TLE1: variants seen among roughly 807,000 people sequenced by gnomAD.
The protein encoded by TLE1 is transducin-like enhancer protein 1.
In TLE1, 21 loss-of-function variants were observed where a neutral mutation model predicts 89.8. The ratio of observed to expected loss-of-function variants is 0.23; its 90% CI spans 0.17 to 0.34. The LOEUF (loss-of-function observed/expected upper bound fraction) is 0.34, where lower values mean the gene tolerates loss of function less well. Among genes scored for constraint, TLE1 ranks in the 10% least tolerant of loss-of-function variants. The pLI is 1.00. For missense variants in TLE1, 795 were observed against 1,031.2 expected (o/e 0.77, Z 3.14); for synonymous variants, 447 against 407.6 (o/e 1.10, Z -1.16).
chr9:81,620,579 C>G, intron 8 of TLE1, 22 bp from the exon 9 acceptor site: 1 of 1,598,564 alleles, frequency 6.3e-7, no homozygotes, highest in Non-Finnish European at 8.5e-7. Flanking sequence ...AAAAATTAAT[C>G]AAAGATTTCT....
intron 18 of TLE1, among the ~76,000 whole-genome samples, chr9:81,585,063 ACTT>A (rs1389933627): frequency 6.6e-6 from 1 of 152,086 alleles, no homozygotes; most frequent in Non-Finnish European, 1.5e-5. Context: ...CACCACATGA[ACTT>A]CTTCCCTCTT....
At position 81,634,163 on chromosome 9, in the gene TLE1, G is replaced by A; in HGVS notation, c.511C>T (p.Leu171=). The change falls in exon 7 of 20, where the codon CTG becomes TTG. Residue 171 remains leucine, a synonymous_variant. Transcript: ENST00000376499. ...SAGLLALSSA[L]SGQSHLAIKD... Reference sequence around the variant, plus strand: ...ATTGCCAAGTGAGACTGCCCACTCAGAGCACTAGACAGCGCAAGAAGGCCG... The same window carrying A: ...ATTGCCAAGTGAGACTGCCCACTCAAAGCACTAGACAGCGCAAGAAGGCCG... 6.2e-7 allele frequency: 1 copy of A among 1,602,362 alleles called. No homozygotes were observed. Among genetic ancestry groups the A allele is most frequent in the Non-Finnish European group, 8.5e-7 (1 of 1,173,340 alleles).
At chr9:81,614,243 C>T (rs962304036) in intron 11 of TLE1, among the ~76,000 whole-genome samples, 2 of 152,152 alleles carry the variant, frequency 1.3e-5, no homozygotes, top group African/African-American at 4.8e-5. Context: ...TTTAGGTAGC[C>T]CTGGGATTGA....
chr9:81,662,354 G>A (rs1204718462), intron 4 of TLE1, among the ~76,000 whole-genome samples: 1 of 124,940 alleles, frequency 8.0e-6, no homozygotes, highest in Non-Finnish European at 1.7e-5. Context: ...GTATTAGTGT[G>A]CCTGTTTTGT....
At chr9:81,657,718 G>T (rs1830307864) in intron 4 of TLE1, among the ~76,000 whole-genome samples, 1 of 151,986 alleles carries the variant, frequency 6.6e-6, no homozygotes, top group Admixed American at 6.6e-5. Flanking sequence ...AAAATCTAAG[G>T]ATGCTCAAGT....
intron 8 of TLE1, among the ~76,000 whole-genome samples, chr9:81,623,138 A>G (rs1825487227): frequency 6.6e-6 from 1 of 152,082 alleles, no homozygotes; most frequent in Admixed American, 6.5e-5. Flanking sequence ...CCTTACCTTC[A>G]TGATTCCCTC....
At chr9:81,591,157 T>C in intron 15 of TLE1, 105 bp from the exon 16 acceptor site, 1 of 1,447,022 alleles carries the variant, frequency 6.9e-7, no homozygotes, top group Non-Finnish European at 9.4e-7. Flanking sequence ...TGGTGTTTCA[T>C]GGACACTCTA....
chr9:81,590,671 C>T, intron 16 of TLE1, 134 bp downstream of exon 16: 2 of 1,461,738 alleles, frequency 1.4e-6, no homozygotes, highest in Non-Finnish European at 1.8e-6. Context: ...TCTTTGTTCC[C>T]TCATCACCTA....
chr9:81,616,173 G>T (rs770055961), intron 10 of TLE1, 39 bp from the exon 11 acceptor site: 39 of 1,572,448 alleles, frequency 2.5e-5, no homozygotes, highest in Non-Finnish European at 3.3e-5. Context: ...GATTTAGCTT[G>T]TAACAGACAG....
chr9:81,598,331 C>T (rs950140373), intron 14 of TLE1, among the ~76,000 whole-genome samples: 1 of 152,124 alleles, frequency 6.6e-6, no homozygotes, highest in African/African-American at 2.4e-5. Context: ...TAGAACAGCA[C>T]CGCTTCCCTC....
intron 6 of TLE1, among the ~76,000 whole-genome samples, chr9:81,643,057 G>A (rs990268543): frequency 2.6e-5 from 4 of 152,246 alleles, no homozygotes; most frequent in Admixed American, 6.5e-5. Context: ...GTAGAATGGC[G>A]GCTGCCTTGC....
chr9:81,647,989 T>C (rs991603706), intron 6 of TLE1, among the ~76,000 whole-genome samples: 10 of 152,136 alleles, frequency 6.6e-5, no homozygotes, highest in African/African-American at 2.4e-4. Context: ...AGCATCTTTA[T>C]GGGCAGGCAC....
At chr9:81,635,552 T>C (rs78180759) in intron 6 of TLE1, among the ~76,000 whole-genome samples, 2,398 of 152,310 alleles carry the variant, frequency 0.016, 64 homozygotes, top group African/African-American at 0.054. Flanking sequence ...ATAAAACTTA[T>C]TTTTGATGAG....
intron 4 of TLE1, among the ~76,000 whole-genome samples, chr9:81,683,079 T>A (rs1019455634): frequency 6.6e-6 from 1 of 152,148 alleles, no homozygotes; most frequent in African/African-American, 2.4e-5. Flanking sequence ...GACAGGAAAG[T>A]CAGCAGTGAG....
rs1457307849 is a variant in TLE1, at chr9:81,634,267, C to A, written c.407G>T (p.Gly136Val). 6.4e-7 allele frequency: 1 copy of A among 1,551,188 alleles called. No homozygotes were observed. The highest frequency in any genetic ancestry group is 8.8e-7 in the Non-Finnish European group (1 of 1,141,960). The stretch of plus-strand genomic sequence containing the variant: ...CGTAAGGGGAACTGGGGGTCCGTGG[C>A]CATGAGAAAGATGCTGAGCTTGCAA... ...QQLQAQHLSH[G>V]HGPPVPLTPH... The change falls in exon 7 of 20, where the codon GGC becomes GTC. Residue 136 changes from glycine to valine, a missense_variant. Gly to Val is a moderately radical substitution (Grantham distance 109). This residue lies in a region of TLE1 where 468 missense variants were observed against 509.1 expected (regional missense o/e 0.92). Transcript: ENST00000376499.
intron 14 of TLE1, among the ~76,000 whole-genome samples, chr9:81,607,638 C>G (rs1193516851): frequency 6.6e-6 from 1 of 152,190 alleles, no homozygotes; most frequent in Non-Finnish European, 1.5e-5. Flanking sequence ...TGCCCTTTAT[C>G]CACTCACCAA....
At chr9:81,653,917 A>C in intron 5 of TLE1, 57 bp downstream of exon 5, 3 of 1,517,084 alleles carry the variant, frequency 2.0e-6, no homozygotes, top group Non-Finnish European at 2.7e-6. Flanking sequence ...AAACTAGCTA[A>C]TTTGCAAACA....
chr9:81,685,591 G>A, intron 4 of TLE1, 85 bp downstream of exon 4: 1 of 1,391,092 alleles, frequency 7.2e-7, no homozygotes, highest in Non-Finnish European at 1.0e-6. Context: ...CCCACCCCTA[G>A]AGCCCACTAC....
chr9:81,688,252 C>A lies in TLE1; in HGVS notation c.-12G>T. On this transcript the variant is annotated 5_prime_UTR_variant, in exon 1 of 20. Transcript: ENST00000376499. ...CTCTGCGGGAACATCGCTCTGGCGG[C>A]GGCCGGGGCTCTGTTCCCCGGCAAC... 1 of 1,580,890 alleles carries A rather than the reference C, an allele frequency of 6.3e-7. No individual in the cohort carries two copies.
Sources: gnomAD v4.1 joint callset for allele counts (sites outside exome capture counted in the v4.1 genomes callset) on GRCh38, gnomAD v4.1.1 for gene constraint, gnomAD v4.1.1 regional missense constraint, MANE v1.5 for transcripts, NCBI Gene and HGNC (gene_info 2026-07-23, HGNC 2026-07-21) for gene names.